The following TBCK variants were observed in gnomAD, a reference collection of about 807,000 sequenced individuals.
TBCK encodes TBC domain-containing protein kinase-like protein.
TBCK carries 99 observed loss-of-function variants against 113.4 expected under a neutral mutation model. That is an observed-to-expected ratio of 0.87 (90% CI 0.74 to 1.03). TBCK has a LOEUF of 1.03. Among genes scored for constraint, TBCK ranks in the 50% least tolerant of loss-of-function variants. The pLI is 0.00. For missense variants in TBCK, 1,045 were observed against 1,061.3 expected, an observed-to-expected ratio of 0.98 and a Z score of 0.21; for synonymous variants, 369 against 370.8, an observed-to-expected ratio of 1.00 and a Z score of 0.05.
rs1369603754 is a variant in TBCK at position 106,046,477 on chromosome 4, C to A, written c.*93G>T. 1.3e-5 allele frequency: 9 copies of A among 679,632 alleles called. No homozygotes were observed. Among genetic ancestry groups the A allele is most frequent in the Admixed American group, 2.5e-5 (1 of 40,214 alleles). The allele number at this position is 679,632 out of a possible 1,614,324, so 42.1% of individuals were successfully genotyped here. A position where few individuals can be genotyped will look rare whatever the true frequency, so the allele number is the denominator to read the frequency against. ...CTTTACGGAAATGCAACAATCTGGA[C>A]ATCTAGTTTTGTCTGAGAGTGGCGT... On this transcript the variant is annotated 3_prime_UTR_variant, in exon 26 of 26. Transcript: ENST00000394708.
In TBCK at chr4:106,262,142, C is replaced by T. The variant is rs761943820; in HGVS notation, c.337G>A (p.Val113Ile). ...TTATGAGGAGACAATGCCCTGTGTA[C>T]TATACCATGTTTGTTCATATACTGC... ...GLQYMNKHGI[V>I]HRALSPHNIL... Residue 113 changes from valine to isoleucine, a missense_variant, in exon 4 of 26, where the codon GTA becomes ATA. Val to Ile is a conservative substitution (Grantham distance 29). Transcript: ENST00000394708. 4 of 1,548,400 alleles carry T rather than the reference C, an allele frequency of 2.6e-6. No homozygotes were observed. Among genetic ancestry groups the T allele is most frequent in the African/African-American group, 2.7e-5 (2 of 72,994 alleles).
chr4:106,242,359 G>A (rs1036048375), intron 12 of TBCK, 111 bp downstream of exon 12: 3 of 597,526 alleles, frequency 5.0e-6, no homozygotes, highest in South Asian at 5.8e-5. Context: ...TTTTACAGAA[G>A]CTCTCCCATA....
chr4:106,200,054 A>C (rs1445855017), intron 20 of TBCK, among the ~76,000 whole-genome samples: 1 of 152,102 alleles, frequency 6.6e-6, no homozygotes, highest in Non-Finnish European at 1.5e-5. Context: ...TACCTATTTG[A>C]CCTTATCTTC....
intron 19 of TBCK, among the ~76,000 whole-genome samples, chr4:106,219,365 TATA>T (rs1254062669): frequency 1.3e-5 from 2 of 150,124 alleles, no homozygotes; most frequent in African/African-American, 4.9e-5. Context: ...AAACTTAAAG[TATA>T]ATAATAAAAA....
intron 19 of TBCK, among the ~76,000 whole-genome samples, chr4:106,229,037 T>C (rs1182708142): frequency 6.6e-6 from 1 of 152,134 alleles, no homozygotes; most frequent in East Asian, 1.9e-4. Flanking sequence ...GCCATGTGTA[T>C]GTCTTCTTTT....
intron 25 of TBCK, among the ~76,000 whole-genome samples, chr4:106,068,245 G>A (rs1235876792): frequency 1.3e-5 from 2 of 152,104 alleles, no homozygotes; most frequent in African/African-American, 2.4e-5. Context: ...TTGGTTTGCT[G>A]TACTCATTAA....
intron 25 of TBCK, among the ~76,000 whole-genome samples, chr4:106,082,235 T>A (rs184587623): frequency 8.2e-4 from 118 of 144,712 alleles, no homozygotes; most frequent in African/African-American, 2.8e-3. Context: ...AGTACATATA[T>A]ACCATGGAAT....
At chr4:106,089,587 G>T (rs1383460328) in intron 25 of TBCK, among the ~76,000 whole-genome samples, 4 of 152,116 alleles carry the variant, frequency 2.6e-5, no homozygotes, top group Non-Finnish European at 4.4e-5. Flanking sequence ...CTGGAGATGA[G>T]TCCATTGATC....
intron 22 of TBCK, among the ~76,000 whole-genome samples, chr4:106,190,698 G>A (rs1483999636): frequency 1.3e-5 from 2 of 151,856 alleles, no homozygotes; most frequent in Non-Finnish European, 2.9e-5. Flanking sequence ...CCAAATACAC[G>A]CAGAACACAT....
At chr4:106,233,205 T>C in intron 16 of TBCK, 141 bp from the exon 17 acceptor site, 1 of 783,470 alleles carries the variant, frequency 1.3e-6, no homozygotes, top group Non-Finnish European at 1.9e-6. Context: ...TGCCTAATTT[T>C]TTGAATTTTT....
At chr4:106,216,660 A>G (rs547056165) in intron 19 of TBCK, among the ~76,000 whole-genome samples, 2 of 152,348 alleles carry the variant, frequency 1.3e-5, no homozygotes, top group South Asian at 4.1e-4. Context: ...TCCCAAGACT[A>G]AACCAGGAAG....
chr4:106,182,557 T>A (rs1752518708), intron 22 of TBCK: 1 of 152,120 alleles, frequency 6.6e-6, no homozygotes, highest in Non-Finnish European at 1.5e-5. Context: ...GTACCTAGTT[T>A]ATTGAGAGTT....
intron 23 of TBCK, among the ~76,000 whole-genome samples, chr4:106,122,072 T>A (rs1344092044): frequency 6.6e-6 from 1 of 151,948 alleles, no homozygotes; most frequent in Admixed American, 6.6e-5. Context: ...TTCAAAAAAT[T>A]ACTGAATCCA....
chr4:106,188,175 C>T (rs189604230), intron 22 of TBCK, among the ~76,000 whole-genome samples: 93 of 152,268 alleles, frequency 6.1e-4, no homozygotes, highest in Middle Eastern at 3.4e-3. Flanking sequence ...CAGCCTCATG[C>T]TGGCTGTTGG....
intron 19 of TBCK, among the ~76,000 whole-genome samples, chr4:106,226,837 T>G (rs768587759): frequency 6.6e-6 from 1 of 152,092 alleles, no homozygotes; most frequent in Non-Finnish European, 1.5e-5. Flanking sequence ...TAAACATCAC[T>G]GATAAGGGTA....
intron 23 of TBCK, among the ~76,000 whole-genome samples, chr4:106,118,869 G>A (rs915555203): frequency 6.6e-6 from 1 of 152,162 alleles, no homozygotes; most frequent in Non-Finnish European, 1.5e-5. Flanking sequence ...GAAATGGTAA[G>A]AAGAGAAGGA....
intron 23 of TBCK, among the ~76,000 whole-genome samples, chr4:106,118,008 CAA>C (rs1006398569): frequency 3.9e-5 from 3 of 76,412 alleles, no homozygotes; most frequent in Non-Finnish European, 5.3e-5. Flanking sequence ...GACTCCGTCT[CAA>C]AAAAAAAAAA....
upstream of TBCK, chr4:106,316,645 G>T: frequency 6.5e-7 from 1 of 1,530,882 alleles, no homozygotes; most frequent in East Asian, 2.5e-5. Context: ...GATTGCGATC[G>T]TAGGGGTCTT....
chr4:106,259,541 A>G (rs931051164), intron 5 of TBCK, among the ~76,000 whole-genome samples: 1 of 151,966 alleles, frequency 6.6e-6, no homozygotes, highest in African/African-American at 2.4e-5. Context: ...TTTAGAAAAT[A>G]CAAACTGAAG....
Sources: gnomAD v4.1 joint callset for allele counts (sites outside exome capture counted in the v4.1 genomes callset) on GRCh38, gnomAD v4.1.1 for gene constraint, MANE v1.5 for transcripts, NCBI Gene and HGNC (gene_info 2026-07-23, HGNC 2026-07-21) for gene names.